The following LNPEP variants were observed in gnomAD, a reference collection of about 807,000 sequenced individuals.
LNPEP encodes leucyl-cystinyl aminopeptidase.
A neutral mutation model predicts 120.6 loss-of-function variants in LNPEP; 64 were observed. That is an observed-to-expected ratio of 0.53 (90% CI 0.43 to 0.65). LNPEP has a LOEUF of 0.65. LNPEP is among the 30% of genes least tolerant of loss of function. The pLI is 0.00. For synonymous variants in LNPEP, 435 were observed against 425.4 expected (o/e 1.02, Z -0.28); for missense variants, 1,057 against 1,200.0 (o/e 0.88, Z 1.76).
rs752055158 is a variant in LNPEP, at chr5:96,979,284, C to G, written c.166C>G (p.Arg56Gly). The G allele has an allele frequency of 1.2e-6, 2 of 1,613,836 alleles. No individual in the cohort carries two copies. Among genetic ancestry groups the G allele is most frequent in the South Asian group, 2.2e-5 (2 of 91,072 alleles). ...GCCCCGGGGTTCCCGACTGCTGGTG[C>G]GGGGTCTTGGTGAGCATGAGATGGA... ...YEPRGSRLLV[R>G]GLGEHEMEED... Residue 56 changes from arginine to glycine, a missense_variant, in exon 2 of 18, where the codon CGG becomes GGG. Coordinates refer to ENST00000231368, the MANE Select transcript of LNPEP (RefSeq NM_005575.3).
intron 11 of LNPEP, among the ~76,000 whole-genome samples, chr5:97,008,823 C>T (rs1490316487): frequency 6.6e-6 from 1 of 151,922 alleles, no homozygotes; most frequent in Non-Finnish European, 1.5e-5. Context: ...TGCCACCATG[C>T]CCGGCTAATT....
chr5:96,972,369 G>A (rs1377739339), intron 1 of LNPEP, among the ~76,000 whole-genome samples: 1 of 152,034 alleles, frequency 6.6e-6, no homozygotes, highest in African/African-American at 2.4e-5. Context: ...TGATGCCTAG[G>A]GTGTTATGAG....
chr5:96,972,560 C>T (rs1456374549), intron 1 of LNPEP, among the ~76,000 whole-genome samples: 1 of 152,074 alleles, frequency 6.6e-6, no homozygotes, highest in African/African-American at 2.4e-5. Context: ...CACGTGCCCC[C>T]CTTCACCAGC....
At chr5:97,001,720 G>A (rs1288547184) in intron 8 of LNPEP, among the ~76,000 whole-genome samples, 1 of 141,164 alleles carries the variant, frequency 7.1e-6, no homozygotes, top group Non-Finnish European at 1.5e-5. Flanking sequence ...AGAATCAAGA[G>A]TAGTGTCTTG....
At chr5:96,997,180 G>T (rs146488298) in intron 7 of LNPEP, among the ~76,000 whole-genome samples, 102 of 152,126 alleles carry the variant, frequency 6.7e-4, no homozygotes, top group African/African-American at 2.3e-3. Context: ...CAAACAATAG[G>T]TGGGAAAGTG....
chr5:97,024,462 T>TC, intron 14 of LNPEP, 59 bp from the exon 15 acceptor site: 4 of 1,511,378 alleles, frequency 2.6e-6, no homozygotes, highest in Non-Finnish European at 3.6e-6. Flanking sequence ...AGCCAACTCT[T>TC]CGCCTTTGTA....
intron 15 of LNPEP, among the ~76,000 whole-genome samples, chr5:97,025,841 G>A (rs941460780): frequency 1.3e-5 from 2 of 152,128 alleles, no homozygotes; most frequent in African/African-American, 4.8e-5. Context: ...AGTGTTTTAT[G>A]GGTTCATAAT....
At chr5:97,020,285 A>C (rs1477396593) in intron 13 of LNPEP, among the ~76,000 whole-genome samples, 3 of 152,178 alleles carry the variant, frequency 2.0e-5, no homozygotes, top group African/African-American at 7.2e-5. Flanking sequence ...GAAAGGAAGA[A>C]AGCAATGTTC....
At position 96,985,750 on chromosome 5, in the gene LNPEP, CT is replaced by C. The variant is rs377376942; in HGVS notation, c.999+539del. ...AAACAAAACCTGGAGCCTAGGGGGTCTTTTTTTGTTTTTTTTTTTTTGGTCT... is the reference window on the plus strand; with the variant it reads ...AAACAAAACCTGGAGCCTAGGGGGTCTTTTTTGTTTTTTTTTTTTTGGTCT... On this transcript the variant is annotated intron_variant, in intron 3 of 17. Transcript: ENST00000231368. Among the ~76,000 whole-genome samples the C allele has an allele frequency of 3.3e-3, 477 of 144,094 alleles. 26 individuals are homozygous for C. The East Asian group carries it at 0.064, about 19-fold the overall frequency. The allele number at this position is 144,094 out of a possible 152,430, so 94.5% of individuals were successfully genotyped here.
intron 1 of LNPEP, among the ~76,000 whole-genome samples, chr5:96,938,174 A>G (rs1788964771): frequency 6.6e-6 from 1 of 152,260 alleles, no homozygotes; most frequent in Admixed American, 6.5e-5. Flanking sequence ...TTTTCAAATG[A>G]CATGGTACAG....
At chr5:96,942,232 C>G (rs892085691) in intron 1 of LNPEP, 1 of 152,082 alleles carries the variant, frequency 6.6e-6, no homozygotes, top group African/African-American at 2.4e-5. Flanking sequence ...TGATAAACAA[C>G]GTGGTGTGGA....
intron 2 of LNPEP, among the ~76,000 whole-genome samples, chr5:96,982,040 G>A (rs1040334807): frequency 2.0e-5 from 3 of 152,068 alleles, no homozygotes; most frequent in Admixed American, 6.6e-5. Flanking sequence ...AGCCTCTTAC[G>A]TGTTTAGTCT....
Position 96,979,667 on chromosome 5 carries a change from G to A in LNPEP, c.549G>A (p.Pro183=), listed in dbSNP as rs147419734. The A allele has an allele frequency of 2.5e-3, 4,085 of 1,614,008 alleles. 36 individuals are homozygous for A. Among genetic ancestry groups the A allele is most frequent in the South Asian group, 0.019 (1,726 of 91,068 alleles). Residue 183 remains proline (P), a synonymous_variant, in exon 2 of 18, where the codon CCG becomes CCA. Transcript: ENST00000231368. ...VPLRYELSLH[P]NLTSMTFRGS... ...TACGCTATGAACTCAGCCTACACCC[G>A]AACCTAACCTCGATGACATTCAGGG... is the stretch of plus-strand genomic sequence containing the variant.
intron 2 of LNPEP, among the ~76,000 whole-genome samples, chr5:96,983,153 A>G (rs979389547): frequency 3.3e-5 from 5 of 152,216 alleles, no homozygotes; most frequent in African/African-American, 1.2e-4. Flanking sequence ...TTAGTAAATT[A>G]TAGAGTCTGG....
chr5:97,027,079 C>T (rs1043512940), intron 16 of LNPEP, among the ~76,000 whole-genome samples: 10 of 152,160 alleles, frequency 6.6e-5, no homozygotes, highest in Non-Finnish European at 1.2e-4. Flanking sequence ...TATGGCCGGG[C>T]GCGGTGGCTC....
chr5:96,961,711 T>A (rs973503414), intron 1 of LNPEP, among the ~76,000 whole-genome samples: 1 of 152,148 alleles, frequency 6.6e-6, no homozygotes, highest in Non-Finnish European at 1.5e-5. Context: ...TTTACACGAA[T>A]CATCCCATTT....
chr5:97,028,385 C>T lies in LNPEP; in HGVS notation c.2947-17C>T. 6.2e-7 allele frequency: 1 copy of T among 1,612,576 alleles called. No individual in the cohort carries two copies. Among genetic ancestry groups the T allele is most frequent in the Non-Finnish European group, 8.5e-7 (1 of 1,178,804 alleles). On this transcript the variant is annotated splice_polypyrimidine_tract_variant and intron_variant, in intron 17 of 17. Transcript: ENST00000231368. ...GTCCTTTTCTTCTTTTGAAATTCTTCTGTGTGAAACTTACAGGTTCAGGCA... is the reference window on the plus strand; with the variant it reads ...GTCCTTTTCTTCTTTTGAAATTCTTTTGTGTGAAACTTACAGGTTCAGGCA...
chr5:96,943,975 T>C (rs1789121652), intron 1 of LNPEP, among the ~76,000 whole-genome samples: 1 of 152,176 alleles, frequency 6.6e-6, no homozygotes, highest in African/African-American at 2.4e-5. Flanking sequence ...AAAGAAGGCT[T>C]CTTCAACTGA....
chr5:96,974,216 C>A (rs1425438771), intron 1 of LNPEP, among the ~76,000 whole-genome samples: 1 of 152,120 alleles, frequency 6.6e-6, no homozygotes, highest in Non-Finnish European at 1.5e-5. Context: ...TGGCACCTGT[C>A]CCTCATTCTG....
Sources: allele counts gnomAD v4.1 joint callset (sites outside exome capture counted in the v4.1 genomes callset), GRCh38; gene constraint gnomAD v4.1.1; transcripts MANE v1.5; gene names NCBI Gene and HGNC (gene_info 2026-07-23, HGNC 2026-07-21).